Variants in CIT observed in about 807,000 individuals in gnomAD.
CIT encodes the protein citron rho-interacting serine/threonine kinase.
Under a neutral mutation model 272.7 loss-of-function variants are expected in CIT, and 79 were observed. That is an observed-to-expected ratio of 0.29 (90% confidence interval 0.24 to 0.35). CIT has a LOEUF of 0.35. Ranked by LOEUF, CIT falls within the 10% of genes least tolerant of loss-of-function variation. The probability of loss-of-function intolerance (pLI) is 1.00; values close to 1 mark genes in which losing one functional copy is unlikely to be tolerated. For synonymous variants in CIT, 948 were observed against 995.6 expected (o/e 0.95, Z 0.90); for missense variants, 1,909 against 2,618.3 (o/e 0.73, Z 5.91).
At chr12:119,835,281 A>G (rs1968916807) in intron 5 of CIT, among the ~76,000 whole-genome samples, 1 of 152,158 alleles carries the variant, frequency 6.6e-6, no homozygotes, top group Non-Finnish European at 1.5e-5. Flanking sequence ...CCTCTCTAAA[A>G]CAGGGATAAG....
At chr12:119,689,971 G>A (rs1016514273) in intron 47 of CIT, among the ~76,000 whole-genome samples, 180 bp downstream of exon 47, 22 of 152,092 alleles carry the variant, frequency 1.4e-4, no homozygotes, top group South Asian at 4.1e-4. Flanking sequence ...GAGCCACCAC[G>A]CCCGGCCAGG....
chr12:119,870,310 G>A (rs1019478746), intron 2 of CIT, among the ~76,000 whole-genome samples: 2 of 152,098 alleles, frequency 1.3e-5, no homozygotes, highest in African/African-American at 2.4e-5. Context: ...CAGCACTTTG[G>A]GAGGCCAAGA....
chr12:119,837,105 C>T (rs1184731154), intron 5 of CIT, among the ~76,000 whole-genome samples: 1 of 152,218 alleles, frequency 6.6e-6, no homozygotes, highest in African/African-American at 2.4e-5. Flanking sequence ...TCTAAATAGA[C>T]CGGGTCCTTA....
intron 23 of CIT, among the ~76,000 whole-genome samples, chr12:119,744,714 C>CAAAAAAA (rs33990797): frequency 9.7e-6 from 1 of 103,534 alleles, no homozygotes; most frequent in African/African-American, 3.8e-5. Context: ...GACTCCGCCT[C>CAAAAAAA]AAAAAAAAAA....
chr12:119,836,112 C>A (rs1051540961), intron 5 of CIT, among the ~76,000 whole-genome samples: 16 of 151,688 alleles, frequency 1.1e-4, no homozygotes, highest in South Asian at 2.1e-4. Context: ...CATGGTGAAA[C>A]CCCGTCTTTA....
At chr12:119,717,843 T>C (rs1354739023) in intron 32 of CIT, among the ~76,000 whole-genome samples, 1 of 122,786 alleles carries the variant, frequency 8.1e-6, no homozygotes, top group Non-Finnish European at 1.7e-5. Flanking sequence ...TCTTTCTTTT[T>C]TTTTTTTTTT....
intron 8 of CIT, 36 bp downstream of exon 8, chr12:119,825,129 T>C (rs2138062975): frequency 6.3e-7 from 1 of 1,577,190 alleles, no homozygotes; most frequent in South Asian, 1.1e-5. Flanking sequence ...ATAACGTTTC[T>C]CAATGTGACT....
chr12:119,773,294 T>C (rs771474703), intron 16 of CIT, among the ~76,000 whole-genome samples: 7 of 152,208 alleles, frequency 4.6e-5, no homozygotes, highest in Non-Finnish European at 1.0e-4. Flanking sequence ...CTAAATGGAT[T>C]GATCTACCCA....
At chr12:119,868,974 A>C in intron 3 of CIT, 86 bp downstream of exon 3, 1 of 1,505,638 alleles carries the variant, frequency 6.6e-7, no homozygotes, top group African/African-American at 1.4e-5. Flanking sequence ...ACCGACTACT[A>C]TCAACCAGTA....
rs1955677770 is a variant in CIT, at chr12:119,688,101, T to G, written c.*131A>C. ...GGAGACAGGGGTGTCCGTGCCGAGG[T>G]GGGTCTGGGCCCCGCTGAGCCAGAG... On this transcript the variant is annotated 3_prime_UTR_variant, in exon 48 of 48. Transcript: ENST00000392521. The G allele has an allele frequency of 2.1e-6, 2 of 960,122 alleles. No homozygotes were observed. The allele number at this position is 960,122 out of a possible 1,614,324, so 59.5% of individuals were successfully genotyped here.
intron 2 of CIT, among the ~76,000 whole-genome samples, chr12:119,871,437 C>T (rs1049121321): frequency 1.3e-5 from 2 of 152,210 alleles, no homozygotes; most frequent in Non-Finnish European, 2.9e-5. Flanking sequence ...TGAATCACAA[C>T]AGCACTGGAG....
intron 5 of CIT, among the ~76,000 whole-genome samples, chr12:119,836,556 T>C (rs1017756955): frequency 7.9e-5 from 12 of 151,680 alleles, no homozygotes; most frequent in South Asian, 4.2e-4. Flanking sequence ...GTCTTAAATA[T>C]CCAAAAAAAG....
intron 3 of CIT, 65 bp from the exon 4 acceptor site, chr12:119,857,763 AG>A: frequency 7.0e-6 from 10 of 1,427,362 alleles, no homozygotes; most frequent in East Asian, 2.3e-5. Flanking sequence ...TCTTTATGAA[AG>A]AAAAAAAAAA....
intron 5 of CIT, among the ~76,000 whole-genome samples, chr12:119,846,741 T>C (rs1969832409): frequency 6.6e-6 from 1 of 152,068 alleles, no homozygotes; most frequent in Non-Finnish European, 1.5e-5. Context: ...CTAGTCTCTA[T>C]GAAAAATTTA....
rs1958139893 is a variant in CIT at position 119,726,823 on chromosome 12, CA to C, written c.3591+1678del. ...TGGTTGGGGAGTGGGAGGTAGTCATCAATTTAAATAGCCGTTCTCAGAGTTC... is the reference window on the plus strand; with the variant it reads ...TGGTTGGGGAGTGGGAGGTAGTCATCATTTAAATAGCCGTTCTCAGAGTTC... On this transcript the variant is annotated intron_variant, in intron 28 of 47. Transcript: ENST00000392521. 2.6e-5 allele frequency among the ~76,000 whole-genome samples: 4 copies of C among 152,128 alleles called. No homozygotes were observed. The South Asian group carries it at 6.2e-4, about 24-fold the overall frequency.
chr12:119,861,257 C>G (rs1241001448), intron 3 of CIT, among the ~76,000 whole-genome samples: 1 of 151,978 alleles, frequency 6.6e-6, no homozygotes, highest in Non-Finnish European at 1.5e-5. Flanking sequence ...TATTGAGGTA[C>G]TGAGGTAGAG....
intron 4 of CIT, among the ~76,000 whole-genome samples, chr12:119,853,013 T>C (rs1327366841): frequency 6.6e-6 from 1 of 152,104 alleles, no homozygotes; most frequent in Non-Finnish European, 1.5e-5. Context: ...CTGGTTCCAT[T>C]TCTCTTAAGA....
chr12:119,710,942 C>T lies in CIT; in HGVS notation c.4855-322G>A, dbSNP rs930908594. The T allele has an allele frequency of 1.6e-5, 15 of 917,828 alleles. No homozygotes were observed. Among genetic ancestry groups the T allele is most frequent in the Middle Eastern group, 3.3e-4 (1 of 3,026 alleles). 56.9% of individuals were successfully genotyped at this position (917,828 alleles called of 1,614,324 possible). A position where few individuals can be genotyped will look rare whatever the true frequency, so the allele number is the denominator to read the frequency against. On this transcript the variant is annotated intron_variant, in intron 37 of 47. Transcript: ENST00000392521. The surrounding 1 kb of genome is among the most constrained non-coding windows in gnomAD (Gnocchi z 5.6). The stretch of plus-strand genomic sequence containing the variant: ...GCTGAAGCTAAGGAGATTTCACCTG[C>T]GCAGGGTTAATAAGACACATGAAAG...
In CIT at chr12:119,770,884, C is replaced by T; in HGVS notation, c.2109G>A (p.Lys703=). 3 of 1,612,798 alleles carry T rather than the reference C, an allele frequency of 1.9e-6. No individual in the cohort carries two copies. The highest frequency in any genetic ancestry group is 2.5e-6 in the Non-Finnish European group (3 of 1,179,846). Residue 703 remains lysine, a synonymous_variant, in exon 18 of 48, where the codon AAG becomes AAA. Coordinates refer to ENST00000392521, the MANE Select transcript of CIT (RefSeq NM_001206999.2). This position sits in a 1 kb window ranked among gnomAD's most constrained non-coding sequence, Gnocchi z 4.4. ...GCTCCATGGTCTCTAGTCTCTTTAC[C>T]TTGTTCTCCAGAGAATGGCGGCGTT... ...AEERRHSLEN[K]VKRLETMERR...
Sources: allele counts gnomAD v4.1 joint callset (sites outside exome capture counted in the v4.1 genomes callset), GRCh38; gene constraint gnomAD v4.1.1; non-coding constraint Gnocchi (gnomAD v3.1); transcripts MANE v1.5; gene names NCBI Gene and HGNC (gene_info 2026-07-23, HGNC 2026-07-21).